ASPSCR1: variants seen among roughly 807,000 people sequenced by gnomAD.
ASPSCR1 encodes the protein tether containing UBX domain for GLUT4.
A neutral mutation model predicts 68.9 loss-of-function variants in ASPSCR1; 55 were observed. The ratio of observed to expected loss-of-function variants is 0.80; its 90% CI spans 0.64 to 1.00. ASPSCR1 has a LOEUF of 1.00. Ranked by LOEUF, ASPSCR1 falls within the 50% of genes least tolerant of loss-of-function variation. ASPSCR1 has a pLI of 0.00. For synonymous variants in ASPSCR1, 352 were observed against 332.6 expected (o/e 1.06, Z -0.63); for missense variants, 765 against 762.2 (o/e 1.00, Z -0.04).
chr17:81,983,720 C>T lies in ASPSCR1; in HGVS notation c.273+52C>T, dbSNP rs1208934615. ...CTGTGTGGGGCACAGGATCGTTCAGCTGGCCAGGGACGGGGGACGGGACAG... is the reference window on the plus strand; with the variant it reads ...CTGTGTGGGGCACAGGATCGTTCAGTTGGCCAGGGACGGGGGACGGGACAG... On this transcript the variant is annotated intron_variant, in intron 3 of 15. Transcript: ENST00000306739. This position sits in a 1 kb window ranked among gnomAD's most constrained non-coding sequence, Gnocchi z 4.4. 2 of 1,469,826 alleles carry T rather than the reference C, an allele frequency of 1.4e-6. No homozygotes were observed. Among genetic ancestry groups the T allele is most frequent in the Non-Finnish European group, 9.4e-7 (1 of 1,067,908 alleles). 91.0% of individuals were successfully genotyped at this position (1,469,826 alleles called of 1,614,324 possible).
In ASPSCR1 at chr17:81,986,910, AC is replaced by A. The variant is rs1302903874; in HGVS notation, c.374+1307del. On this transcript the variant is annotated intron_variant, in intron 4 of 15. Transcript: ENST00000306739. The surrounding 1 kb of genome is among the most constrained non-coding windows in gnomAD (Gnocchi z 5.2). ...CTCAGTGGTCATGGGGATGGAAGCC[AC>A]CCCAGTGGCTGTCGGGGTGAATGGA... is the stretch of plus-strand genomic sequence containing the variant. Among the ~76,000 whole-genome samples the A allele has an allele frequency of 2.0e-5, 3 of 152,010 alleles. No individual in the cohort carries two copies. Among genetic ancestry groups the A allele is most frequent in the African/African-American group, 7.2e-5 (3 of 41,386 alleles).
rs780194598 is a variant in ASPSCR1, at chr17:81,985,488, C to T, written c.274-19C>T. ...TGCTTTTCTTCCTAAGGAAGTTTCT[C>T]ATGTCTTATACCCTCCAGGTTCGCA... On this transcript the variant is annotated intron_variant, in intron 3 of 15. Transcript: ENST00000306739. 1.6e-5 allele frequency: 26 copies of T among 1,611,638 alleles called. No homozygotes were observed. The highest frequency in any genetic ancestry group is 2.0e-5 in the Non-Finnish European group (24 of 1,178,120).
chr17:81,994,824 G>T lies in ASPSCR1; in HGVS notation c.378G>T (p.Glu126Asp). 6.2e-7 allele frequency: 1 copy of T among 1,613,356 alleles called. No homozygotes were observed. The highest frequency in any genetic ancestry group is 2.2e-5 in the East Asian group (1 of 44,864). Residue 126 changes from glutamate (E) to aspartate (D), a missense_variant, in exon 5 of 16, where the codon GAG becomes GAT. Glu to Asp is a conservative substitution (Grantham distance 45). Coordinates refer to ENST00000306739, the MANE Select transcript of ASPSCR1 (RefSeq NM_024083.4). ...GGTTTCTTTCCTCTCCTCCCAGGGA[G>T]TGCCTGCAGCACCCCGGCGGGGCCA... ...ELLSHFPQIR[E>D]CLQHPGGATP...
intron 3 of ASPSCR1, among the ~76,000 whole-genome samples, chr17:81,984,434 G>A (rs1324821638): frequency 2.0e-5 from 3 of 152,062 alleles, no homozygotes; most frequent in African/African-American, 4.8e-5. Context: ...AAAATTAGCC[G>A]TGGGTGGTGG....
intron 3 of ASPSCR1, among the ~76,000 whole-genome samples, chr17:81,984,722 G>C (rs917417251): frequency 2.6e-5 from 4 of 151,808 alleles, no homozygotes; most frequent in African/African-American, 9.7e-5. Context: ...CCCCCACTGG[G>C]ACACGAGGAC....
intron 9 of ASPSCR1, 88 bp from the exon 10 acceptor site, chr17:82,010,714 G>A: frequency 7.1e-7 from 1 of 1,414,826 alleles, no homozygotes; most frequent in Non-Finnish European, 9.9e-7. Flanking sequence ...GGTGTCCATG[G>A]CCCAGCATGG....
Position 81,983,736 on chromosome 17 carries a change from G to A in ASPSCR1, c.273+68G>A. ...ATCGTTCAGCTGGCCAGGGACGGGG[G>A]ACGGGACAGTGGGGGGTGCTGGGGA... On this transcript the variant is annotated intron_variant, in intron 3 of 15. Coordinates refer to ENST00000306739, the MANE Select transcript of ASPSCR1 (RefSeq NM_024083.4). This position sits in a 1 kb window ranked among gnomAD's most constrained non-coding sequence, Gnocchi z 4.4. 7.4e-7 allele frequency: 1 copy of A among 1,357,918 alleles called. No homozygotes were observed. Among genetic ancestry groups the A allele is most frequent in the Non-Finnish European group, 1.0e-6 (1 of 974,768 alleles). The allele number at this position is 1,357,918 out of a possible 1,614,324, so 84.1% of individuals were successfully genotyped here. A position where few individuals can be genotyped will look rare whatever the true frequency, so the allele number is the denominator to read the frequency against.
intron 7 of ASPSCR1, among the ~76,000 whole-genome samples, chr17:82,001,828 C>A (rs1254063504): frequency 6.6e-6 from 1 of 152,148 alleles, no homozygotes; most frequent in Non-Finnish European, 1.5e-5. Context: ...TGCGGATGAC[C>A]CCCCTCACCA....
intron 3 of ASPSCR1, among the ~76,000 whole-genome samples, chr17:81,984,640 T>G (rs941528740): frequency 1.9e-4 from 29 of 151,322 alleles, no homozygotes; most frequent in Admixed American, 1.8e-3. Flanking sequence ...GGGTCAGGAA[T>G]CTGGGAGCAG....
At chr17:82,016,650 G>A (rs1456818036) in intron 13 of ASPSCR1, 123 bp downstream of exon 13, 3 of 1,453,608 alleles carry the variant, frequency 2.1e-6, no homozygotes, top group African/African-American at 2.8e-5. Flanking sequence ...GAGATCTGCG[G>A]CCCCCAGTAA....
At chr17:81,988,747 C>T (rs75703546) in intron 4 of ASPSCR1, among the ~76,000 whole-genome samples, 3,459 of 152,296 alleles carry the variant, frequency 0.023, 130 homozygotes, top group African/African-American at 0.079. Context: ...GCTCTTCCGT[C>T]GTGTGGGTGT....
intron 4 of ASPSCR1, among the ~76,000 whole-genome samples, chr17:81,991,291 GC>G (rs1360628196): frequency 6.6e-6 from 1 of 152,178 alleles, no homozygotes; most frequent in Non-Finnish European, 1.5e-5. Flanking sequence ...CTCTTCCCAG[GC>G]CCCCAGCCCT....
At position 81,983,717 on chromosome 17, in the gene ASPSCR1, C is replaced by A; in HGVS notation, c.273+49C>A. On this transcript the variant is annotated intron_variant, in intron 3 of 15. Transcript: ENST00000306739. The surrounding 1 kb of genome is among the most constrained non-coding windows in gnomAD (Gnocchi z 4.4). ...TGACTGTGTGGGGCACAGGATCGTTCAGCTGGCCAGGGACGGGGGACGGGA... is the reference window on the plus strand; with the variant it reads ...TGACTGTGTGGGGCACAGGATCGTTAAGCTGGCCAGGGACGGGGGACGGGA... The A allele has an allele frequency of 1.3e-6, 2 of 1,486,620 alleles. No homozygotes were observed. The highest frequency in any genetic ancestry group is 1.8e-6 in the Non-Finnish European group (2 of 1,081,762). 92.1% of individuals were successfully genotyped at this position (1,486,620 alleles called of 1,614,324 possible).
chr17:81,977,798 G>A lies in ASPSCR1; in HGVS notation c.102+50G>A. The stretch of plus-strand genomic sequence containing the variant: ...CGGGTAGGCGGGCGGGGGGCGCTGC[G>A]CCGAGGCCCCGCCCATTGCGGTCGG... On this transcript the variant is annotated intron_variant, in intron 1 of 15. Transcript: ENST00000306739. The surrounding 1 kb of genome is among the most constrained non-coding windows in gnomAD (Gnocchi z 5.0). 1 of 1,188,440 alleles carries A rather than the reference G, an allele frequency of 8.4e-7. No homozygotes were observed. The highest frequency in any genetic ancestry group is 1.0e-6 in the Non-Finnish European group (1 of 955,670). The allele number at this position is 1,188,440 out of a possible 1,614,324, so 73.6% of individuals were successfully genotyped here.
chr17:81,987,403 G>C lies in ASPSCR1; in HGVS notation c.374+1796G>C, dbSNP rs1334281725. On this transcript the variant is annotated intron_variant, in intron 4 of 15. Coordinates refer to ENST00000306739, the MANE Select transcript of ASPSCR1 (RefSeq NM_024083.4). This position sits in a 1 kb window ranked among gnomAD's most constrained non-coding sequence, Gnocchi z 5.6. The stretch of plus-strand genomic sequence containing the variant: ...AAACCAAACAGCGCGGGGAACAGAA[G>C]TCAGGAAAGATGAACGTCTGGAAGG... Among the ~76,000 whole-genome samples the C allele has an allele frequency of 6.6e-6, 1 of 152,246 alleles. No homozygotes were observed. The highest frequency in any genetic ancestry group is 2.4e-5 in the African/African-American group (1 of 41,472).
chr17:82,007,179 G>A (rs1334247860), intron 7 of ASPSCR1: 1 of 152,316 alleles, frequency 6.6e-6, no homozygotes, highest in Admixed American at 6.5e-5. Context: ...GCTCCGGATC[G>A]GGGCTGCTCT....
intron 12 of ASPSCR1, chr17:82,015,469 G>C (rs1298810365): frequency 2.2e-6 from 3 of 1,350,118 alleles, no homozygotes; most frequent in Admixed American, 2.4e-5. Flanking sequence ...AGTCCTGCCC[G>C]CCCCTTTCTG....
intron 2 of ASPSCR1, chr17:81,982,534 C>T (rs2041828581): frequency 6.6e-6 from 1 of 152,324 alleles, no homozygotes; most frequent in African/African-American, 2.4e-5. Context: ...TTGACGTAGA[C>T]ATTTCATGTG....
intron 7 of ASPSCR1, among the ~76,000 whole-genome samples, chr17:82,004,071 A>G (rs911203890): frequency 3.9e-5 from 6 of 152,104 alleles, no homozygotes; most frequent in Admixed American, 6.5e-5. Context: ...ATGGGTTCAC[A>G]TTTTTCCTCT....
Sources: allele counts gnomAD v4.1 joint callset (sites outside exome capture counted in the v4.1 genomes callset), GRCh38; gene constraint gnomAD v4.1.1; non-coding constraint Gnocchi (gnomAD v3.1); transcripts MANE v1.5; gene names NCBI Gene and HGNC (gene_info 2026-07-23, HGNC 2026-07-21).